Variants in USH2A observed in about 807,000 individuals in gnomAD.
USH2A encodes the protein usherin.
In USH2A, 443 loss-of-function variants were observed where a neutral mutation model predicts 538.9. That is an observed-to-expected ratio of 0.82 (90% CI 0.76 to 0.89). USH2A has a LOEUF of 0.89. Among genes scored for constraint, USH2A ranks in the 40% least tolerant of loss-of-function variants. The pLI is 0.00. For synonymous variants in USH2A, 2,413 were observed against 2,273.5 expected (o/e 1.06, Z -1.75); for missense variants, 6,633 against 6,324.8 (o/e 1.05, Z -1.65).
rs1416345045 is a variant in USH2A, at chr1:216,098,530, A to C, written c.4628-1317T>G. ...GGGTGGTGGTTAACTCAGTTTCAAT[A>C]GACAGCAACTACTCCAGAAGCCATG... On this transcript the variant is annotated intron_variant, in intron 21 of 71. Coordinates refer to ENST00000307340, the MANE Select transcript of USH2A (RefSeq NM_206933.4). Among the ~76,000 whole-genome samples the C allele has an allele frequency of 5.3e-5, 8 of 152,330 alleles. No homozygotes were observed. The East Asian group carries it at 1.5e-3, about 29-fold the overall frequency.
chr1:216,208,699 C>A (rs1382764568), intron 15 of USH2A, among the ~76,000 whole-genome samples: 1 of 152,110 alleles, frequency 6.6e-6, no homozygotes, highest in South Asian at 2.1e-4. Flanking sequence ...TATAGTCCTA[C>A]TCATGGCTAA....
chr1:216,277,510 T>A (rs1440689055), intron 11 of USH2A, among the ~76,000 whole-genome samples: 2 of 152,112 alleles, frequency 1.3e-5, no homozygotes, highest in African/African-American at 4.8e-5. Context: ...TTCTCAGAGG[T>A]CCTCATTAAA....
Position 215,623,474 on chromosome 1 carries a change from A to ATCTC in USH2A, c.*2303_*2306dup, listed in dbSNP as rs1441465178. 6.6e-6 allele frequency: 1 copy of ATCTC among 151,334 alleles called. No individual in the cohort carries two copies. Among genetic ancestry groups the ATCTC allele is most frequent in the African/African-American group, 2.4e-5 (1 of 41,438 alleles). 9.4% of individuals were successfully genotyped at this position (151,334 alleles called of 1,614,324 possible). On this transcript the variant is annotated 3_prime_UTR_variant, in exon 72 of 72. Coordinates refer to ENST00000307340, the MANE Select transcript of USH2A (RefSeq NM_206933.4). ...CACACCCCAGATCAACCGAATCAGA[A>ATCTC]TCTCTAGAGGCGAGTCTGCATGGTT... is the stretch of plus-strand genomic sequence containing the variant.
intron 23 of USH2A, among the ~76,000 whole-genome samples, chr1:216,088,081 T>A (rs758693540): frequency 1.3e-5 from 2 of 152,150 alleles, no homozygotes; most frequent in Non-Finnish European, 2.9e-5. Flanking sequence ...CTGGCCTTCT[T>A]GTTGGTCCTT....
At chr1:216,009,505 A>C (rs1315643228) in intron 32 of USH2A, among the ~76,000 whole-genome samples, 2 of 152,142 alleles carry the variant, frequency 1.3e-5, no homozygotes, top group Admixed American at 6.5e-5. Context: ...CCTGACGTCT[A>C]GGCATTCTTT....
At chr1:216,253,319 C>G (rs896227810) in intron 11 of USH2A, among the ~76,000 whole-genome samples, 3 of 151,950 alleles carry the variant, frequency 2.0e-5, no homozygotes, top group African/African-American at 7.3e-5. Context: ...GCTGGGCCAC[C>G]AGGCACGGCT....
intron 20 of USH2A, among the ~76,000 whole-genome samples, chr1:216,181,365 C>A (rs1428105309): frequency 6.6e-6 from 1 of 152,078 alleles, no homozygotes; most frequent in Non-Finnish European, 1.5e-5. Flanking sequence ...ACATCCTGAT[C>A]CCCTTTGCTC....
chr1:216,164,853 A>G (rs961130330), intron 21 of USH2A, among the ~76,000 whole-genome samples: 2 of 152,300 alleles, frequency 1.3e-5, no homozygotes, highest in African/African-American at 4.8e-5. Context: ...CATACACAAT[A>G]CTAAGACACT....
intron 67 of USH2A, among the ~76,000 whole-genome samples, chr1:215,641,249 C>A (rs1460674727): frequency 6.6e-6 from 1 of 152,150 alleles, no homozygotes; most frequent in Non-Finnish European, 1.5e-5. Context: ...GAATTACGTC[C>A]TTTTGGCACC....
At chr1:215,917,731 C>T (rs1267470011) in intron 38 of USH2A, among the ~76,000 whole-genome samples, 1 of 138,044 alleles carries the variant, frequency 7.2e-6, no homozygotes, top group Non-Finnish European at 1.5e-5. Flanking sequence ...ATTGCTTGAG[C>T]CCGGGAGTTT....
At chr1:216,003,829 T>C (rs1271551081) in intron 32 of USH2A, among the ~76,000 whole-genome samples, 2 of 152,158 alleles carry the variant, frequency 1.3e-5, no homozygotes, top group Non-Finnish European at 2.9e-5. Flanking sequence ...TTCATGAGTA[T>C]CATCCTGGCT....
chr1:216,073,392 AG>A, intron 27 of USH2A, 92 bp from the exon 28 acceptor site: 6 of 1,369,996 alleles, frequency 4.4e-6, no homozygotes, highest in South Asian at 1.2e-5. Flanking sequence ...ATTTTGAGGA[AG>A]GGGGGTGGTT....
intron 13 of USH2A, among the ~76,000 whole-genome samples, chr1:216,241,825 T>TTACAG (rs2035943978): frequency 6.6e-6 from 1 of 152,162 alleles, no homozygotes; most frequent in Non-Finnish European, 1.5e-5. Context: ...AGCCACCATG[T>TTACAG]GCGGCCATTA....
chr1:216,384,766 C>G (rs1438170002), intron 3 of USH2A, among the ~76,000 whole-genome samples: 1 of 151,314 alleles, frequency 6.6e-6, no homozygotes, highest in Non-Finnish European at 1.5e-5. Context: ...CTGGTGGCAA[C>G]AGAATGAAAA....
intron 37 of USH2A, among the ~76,000 whole-genome samples, chr1:215,956,526 G>T (rs990421884): frequency 6.6e-6 from 1 of 152,066 alleles, no homozygotes; most frequent in Non-Finnish European, 1.5e-5. Flanking sequence ...AGTTAGAATG[G>T]AGAGATTCCT....
At chr1:216,068,984 G>A (rs2031471247) in intron 30 of USH2A, among the ~76,000 whole-genome samples, 1 of 152,148 alleles carries the variant, frequency 6.6e-6, no homozygotes, top group African/African-American at 2.4e-5. Context: ...GGATGAGAAA[G>A]GGAGGTAACG....
chr1:216,412,940 C>G (rs975497994), intron 3 of USH2A, among the ~76,000 whole-genome samples: 1 of 151,964 alleles, frequency 6.6e-6, no homozygotes, highest in Non-Finnish European at 1.5e-5. Context: ...ATGTTACAAG[C>G]ATGTCACTAT....
chr1:215,948,908 G>A (rs866915783), intron 37 of USH2A, among the ~76,000 whole-genome samples: 84 of 152,102 alleles, frequency 5.5e-4, no homozygotes, highest in African/African-American at 1.9e-3. Flanking sequence ...CATAATGTAC[G>A]GATTGTATCT....
chr1:216,418,746 T>G (rs1300121202), intron 2 of USH2A, 67 bp from the exon 3 acceptor site: 1 of 1,580,922 alleles, frequency 6.3e-7, no homozygotes, highest in East Asian at 2.2e-5. Flanking sequence ...TAAGGTATTG[T>G]GCAGTTACAG....
Sources: allele counts gnomAD v4.1 joint callset (sites outside exome capture counted in the v4.1 genomes callset), GRCh38; gene constraint gnomAD v4.1.1; transcripts MANE v1.5; gene names NCBI Gene and HGNC (gene_info 2026-07-23, HGNC 2026-07-21).